The following ROBO2 variants were observed in gnomAD, a reference collection of about 807,000 sequenced individuals.
The protein encoded by ROBO2 is roundabout guidance receptor 2.
ROBO2 carries 53 observed loss-of-function variants against 160.8 expected under a neutral mutation model. The ratio of observed to expected loss-of-function variants is 0.33; its 90% CI spans 0.26 to 0.41. The LOEUF (loss-of-function observed/expected upper bound fraction) is 0.41. Among genes scored for constraint, ROBO2 ranks in the 10% least tolerant of loss-of-function variants. The probability of loss-of-function intolerance (pLI) is 1.00; values close to 1 mark genes in which losing one functional copy is unlikely to be tolerated. For missense variants in ROBO2, 1,577 were observed against 1,722.4 expected (o/e 0.92, Z 1.49); for synonymous variants, 664 against 611.7 (o/e 1.09, Z -1.26).
intron 2 of ROBO2, among the ~76,000 whole-genome samples, chr3:76,238,948 C>G (rs1432198608): frequency 4.6e-5 from 7 of 152,156 alleles, no homozygotes; most frequent in African/African-American, 1.7e-4. Context: ...AATGAGAAGC[C>G]TTTTGTAACT....
intron 1 of ROBO2, among the ~76,000 whole-genome samples, chr3:77,066,023 G>C (rs966127772): frequency 6.6e-6 from 1 of 152,034 alleles, no homozygotes; most frequent in Non-Finnish European, 1.5e-5. Flanking sequence ...TCTAGGTCAT[G>C]GGTTTTTAAA....
At chr3:76,498,769 G>A (rs1025261724) in intron 2 of ROBO2, among the ~76,000 whole-genome samples, 10 of 145,670 alleles carry the variant, frequency 6.9e-5, no homozygotes, top group Admixed American at 5.0e-4. Flanking sequence ...TGCCACTTCC[G>A]CCTCCAGGAT....
chr3:76,535,024 G>A (rs1051458289), intron 2 of ROBO2, among the ~76,000 whole-genome samples: 8 of 152,008 alleles, frequency 5.3e-5, no homozygotes, highest in Non-Finnish European at 7.4e-5. Context: ...CCTTGGGGTA[G>A]GACAGTCTGG....
intron 2 of ROBO2, among the ~76,000 whole-genome samples, chr3:76,831,293 A>C (rs1191181226): frequency 6.6e-6 from 1 of 152,172 alleles, no homozygotes; most frequent in Non-Finnish European, 1.5e-5. Context: ...AGTATTTTCA[A>C]ATCAAAAATA....
chr3:77,253,551 A>C (rs1038179043), intron 2 of ROBO2, among the ~76,000 whole-genome samples: 1 of 152,216 alleles, frequency 6.6e-6, no homozygotes, highest in African/African-American at 2.4e-5. Flanking sequence ...ATGTGAAACA[A>C]AGTTTTCCCT....
chr3:76,300,112 GC>G (rs1191741023), intron 2 of ROBO2, among the ~76,000 whole-genome samples: 10 of 152,078 alleles, frequency 6.6e-5, no homozygotes, highest in Non-Finnish European at 2.9e-5. Flanking sequence ...ATTACACAAT[GC>G]CAAAATCAAG....
chr3:76,690,312 C>T (rs1049402840), intron 2 of ROBO2, among the ~76,000 whole-genome samples: 2 of 152,028 alleles, frequency 1.3e-5, no homozygotes, highest in Non-Finnish European at 2.9e-5. Flanking sequence ...ACTTAATCAC[C>T]AATGTTATCG....
chr3:77,239,309 TAGAGTTGTTCGTTCCTCCCGTCC>T (rs1449434778), intron 2 of ROBO2, among the ~76,000 whole-genome samples: 7 of 151,988 alleles, frequency 4.6e-5, no homozygotes, highest in African/African-American at 1.5e-4. Context: ...GCAGCGCGTC[TAGAGTTGTTCGTTCCTCCCGTCC>T]AGAGTTGTTC....
In ROBO2 at chr3:77,349,285, T is replaced by TTA. The variant is rs775288189; in HGVS notation, c.389-128126_389-128125dup. ...TTCTTTATTTTCCAAATGAAGGCAA[T>TTA]TATACATCTTGCCCAGGGTCACAAA... On this transcript the variant is annotated intron_variant, in intron 2 of 25. Coordinates refer to ENST00000461745, the Ensembl canonical transcript of ROBO2. Among the ~76,000 whole-genome samples, 81 of 152,180 alleles carry TTA rather than the reference T, an allele frequency of 5.3e-4. 1 individual carries two copies. The highest frequency in any genetic ancestry group is 8.8e-5 in the Non-Finnish European group (6 of 68,034).
chr3:77,166,498 C>T (rs1016784329), intron 2 of ROBO2, among the ~76,000 whole-genome samples: 1 of 152,112 alleles, frequency 6.6e-6, no homozygotes, highest in African/African-American at 2.4e-5. Flanking sequence ...TGTTCTATCT[C>T]TTAGTTTGAA....
intron 2 of ROBO2, among the ~76,000 whole-genome samples, chr3:77,263,381 T>C (rs1432678983): frequency 6.6e-6 from 1 of 152,150 alleles, no homozygotes; most frequent in Non-Finnish European, 1.5e-5. Flanking sequence ...CATTAGTAAT[T>C]TTTCCTGATC....
chr3:76,776,548 G>A (rs1182139723), intron 2 of ROBO2, among the ~76,000 whole-genome samples: 1 of 150,086 alleles, frequency 6.7e-6, no homozygotes, highest in African/African-American at 2.5e-5. Context: ...CACCCTTTAA[G>A]GGCAGATGCA....
At chr3:76,674,000 C>G (rs1280837811) in intron 2 of ROBO2, among the ~76,000 whole-genome samples, 1 of 151,998 alleles carries the variant, frequency 6.6e-6, no homozygotes, top group Non-Finnish European at 1.5e-5. Flanking sequence ...TTAGTGCTGT[C>G]TTTCATACAT....
intron 2 of ROBO2, among the ~76,000 whole-genome samples, chr3:76,235,950 T>C (rs894151625): frequency 1.3e-5 from 2 of 152,122 alleles, no homozygotes; most frequent in African/African-American, 2.4e-5. Flanking sequence ...ACATTTAAGT[T>C]ATCAAAAATA....
chr3:77,046,066 A>T (rs781189795), intron 1 of ROBO2, among the ~76,000 whole-genome samples: 13 of 152,170 alleles, frequency 8.5e-5, no homozygotes, highest in Non-Finnish European at 1.8e-4. Flanking sequence ...TGCTTTGAAC[A>T]TCCACGTACT....
chr3:77,394,835 T>C (rs190503091), intron 2 of ROBO2, among the ~76,000 whole-genome samples: 290 of 152,274 alleles, frequency 1.9e-3, no homozygotes, highest in African/African-American at 6.7e-3. Flanking sequence ...ATATCAGCAA[T>C]ACTGTTGGTA....
intron 1 of ROBO2, among the ~76,000 whole-genome samples, chr3:77,086,518 A>G (rs1369882367): frequency 2.0e-5 from 3 of 152,168 alleles, no homozygotes; most frequent in Non-Finnish European, 2.9e-5. Context: ...GAACATGCAC[A>G]TATCTGCACA....
At chr3:76,427,168 A>G (rs914296937) in intron 2 of ROBO2, among the ~76,000 whole-genome samples, 48 of 151,618 alleles carry the variant, frequency 3.2e-4, no homozygotes, top group African/African-American at 9.9e-4. Context: ...TTCTCTTATT[A>G]GGTGTGTTTT....
chr3:76,841,100 GA>G (rs984638975), intron 2 of ROBO2, among the ~76,000 whole-genome samples: 9 of 152,040 alleles, frequency 5.9e-5, no homozygotes, highest in Non-Finnish European at 1.3e-4. Flanking sequence ...GTGTGGCTAA[GA>G]AAAAAGGTCT....
Sources: allele counts gnomAD v4.1 joint callset (sites outside exome capture counted in the v4.1 genomes callset), GRCh38; gene constraint gnomAD v4.1.1; transcripts MANE v1.5; gene names NCBI Gene and HGNC (gene_info 2026-07-23, HGNC 2026-07-21).